The following MAK16 variants were observed in gnomAD, a reference collection of about 807,000 sequenced individuals.
The protein encoded by MAK16 is MAK16 homolog, also known as protein MAK16 homolog.
A neutral mutation model predicts 49.9 loss-of-function variants in MAK16; 12 were observed. That is an observed-to-expected ratio of 0.24 (90% CI 0.15 to 0.39). The LOEUF (loss-of-function observed/expected upper bound fraction) is 0.39, where lower values mean the gene tolerates loss of function less well. Ranked by LOEUF, MAK16 falls within the 10% of genes least tolerant of loss-of-function variation. The pLI, the probability that MAK16 is intolerant of heterozygous loss-of-function variation, is 1.00. For synonymous variants in MAK16, 115 were observed against 126.4 expected (o/e 0.91, Z 0.60); for missense variants, 292 against 363.7 (o/e 0.80, Z 1.60).
Position 33,496,616 on chromosome 8 carries a change from G to A in MAK16, c.523-9G>A, listed in dbSNP as rs748218238. The A allele has an allele frequency of 1.8e-4, 282 of 1,604,018 alleles. No individual in the cohort carries two copies. Among genetic ancestry groups the A allele is most frequent in the Non-Finnish European group, 2.2e-4 (262 of 1,172,416 alleles). On this transcript the variant is annotated splice_polypyrimidine_tract_variant and intron_variant, in intron 7 of 9. Transcript: ENST00000360128. ...GTAGTTAAAGCCAATCTGTGTTTAT[G>A]TTCTTCAGTATGGCGACATCTACAA... is the stretch of plus-strand genomic sequence containing the variant.
At position 33,488,358 on chromosome 8, in the gene MAK16, G is replaced by C; in HGVS notation, c.16-20G>C. 2 of 1,613,722 alleles carry C rather than the reference G, an allele frequency of 1.2e-6. No homozygotes were observed. Among genetic ancestry groups the C allele is most frequent in the Non-Finnish European group, 8.5e-7 (1 of 1,179,714 alleles). ...TCTTGGGGCAGAGGATTTGAAATGGGCTTTTACTTTGTCTTGCAGGTTATC... is the reference window on the plus strand; with the variant it reads ...TCTTGGGGCAGAGGATTTGAAATGGCCTTTTACTTTGTCTTGCAGGTTATC... On this transcript the variant is annotated intron_variant, in intron 1 of 9. Transcript: ENST00000360128.
intron 1 of MAK16, among the ~76,000 whole-genome samples, chr8:33,487,921 T>TTTTTGTTTTG (rs551989222): frequency 2.9e-4 from 44 of 152,086 alleles, no homozygotes; most frequent in African/African-American, 1.0e-3. Flanking sequence ...CTGCTGGGCT[T>TTTTTGTTTTG]TTTTGTTTTG....
chr8:33,500,170 C>A lies in MAK16; in HGVS notation c.*1541C>A. The A allele has an allele frequency of 1.4e-6, 1 of 736,704 alleles. No homozygotes were observed. The highest frequency in any genetic ancestry group is 1.8e-5 in the South Asian group (1 of 54,396). The allele number at this position is 736,704 out of a possible 1,614,324, so 45.6% of individuals were successfully genotyped here. ...TTAAAAGATGAATAAGAAAAAAGAT[C>A]AAGCTCTTTTGAGGCTAGAGGGCTC... is the stretch of plus-strand genomic sequence containing the variant. On this transcript the variant is annotated 3_prime_UTR_variant, in exon 10 of 10. Coordinates refer to ENST00000360128, the MANE Select transcript of MAK16 (RefSeq NM_032509.4).
At position 33,494,888 on chromosome 8, in the gene MAK16, C is replaced by T. The variant is rs186523755; in HGVS notation, c.448-654C>T. Among the ~76,000 whole-genome samples the T allele has an allele frequency of 2.0e-5, 3 of 152,186 alleles. No individual in the cohort carries two copies. In the East Asian group the frequency reaches 5.8e-4, roughly 29 times the overall value. ...CCGCCTCCTGGGTTCACACCATTCT[C>T]CTGCCTCAGCCTCCCGAGTAGCTGG... is the stretch of plus-strand genomic sequence containing the variant. On this transcript the variant is annotated intron_variant, in intron 6 of 9. Transcript: ENST00000360128.
intron 9 of MAK16, 37 bp downstream of exon 9, chr8:33,497,334 GCAGC>G: frequency 8.8e-7 from 1 of 1,141,820 alleles, no homozygotes; most frequent in Non-Finnish European, 1.2e-6. Context: ...CCTTTGGCCT[GCAGC>G]AAAAAAAAAA....
At chr8:33,496,819 C>T in intron 8 of MAK16, 78 bp downstream of exon 8, 5 of 1,074,122 alleles carry the variant, frequency 4.7e-6, no homozygotes, top group Non-Finnish European at 6.6e-6. Context: ...CATCTTCAGT[C>T]CGCTAACCAA....
intron 5 of MAK16, 100 bp from the exon 6 acceptor site, chr8:33,490,185 T>G: frequency 1.1e-6 from 1 of 945,964 alleles, no homozygotes; most frequent in South Asian, 1.5e-5. Flanking sequence ...ATGAGTAGAC[T>G]TCCATTTTAG....
Position 33,500,360 on chromosome 8 carries a change from G to C in MAK16, c.*1731G>C, listed in dbSNP as rs778344343. 23 of 1,614,162 alleles carry C rather than the reference G, an allele frequency of 1.4e-5. No homozygotes were observed. In the South Asian group the frequency reaches 2.2e-4, roughly 15 times the overall value. On this transcript the variant is annotated 3_prime_UTR_variant, in exon 10 of 10. Transcript: ENST00000360128. ...CGTCCTTGAGAACAGCGGTCCAGGA[G>C]AATCAGGCAGTCTGTGGCCTCCTGT...
Position 33,500,920 on chromosome 8 carries a change from G to A in MAK16, c.*2291G>A, listed in dbSNP as rs115480059. Reference sequence around the variant, plus strand: ...CTGGAAGTTAGAGTGAGGGAAATGAGCTTGGCTTCTGGGACTGTGTCAAGT... The same window carrying A: ...CTGGAAGTTAGAGTGAGGGAAATGAACTTGGCTTCTGGGACTGTGTCAAGT... On this transcript the variant is annotated 3_prime_UTR_variant, in exon 10 of 10. Coordinates refer to ENST00000360128, the MANE Select transcript of MAK16 (RefSeq NM_032509.4). 0.015 allele frequency: 2,325 copies of A among 158,042 alleles called. 73 individuals carry two copies. The highest frequency in any genetic ancestry group is 0.053 in the African/African-American group (2,187 of 41,584). 9.8% of individuals were successfully genotyped at this position (158,042 alleles called of 1,614,324 possible). A position where few individuals can be genotyped will look rare whatever the true frequency, so the allele number is the denominator to read the frequency against.
chr8:33,492,007 ATTTTG>A (rs1353337553), intron 6 of MAK16, among the ~76,000 whole-genome samples: 1 of 148,162 alleles, frequency 6.7e-6, no homozygotes. Flanking sequence ...TATAGTCTGG[ATTTTG>A]TTTTGTTTTG....
In MAK16 at chr8:33,498,654, G is replaced by C. The variant is rs372973429; in HGVS notation, c.*25G>C. The C allele has an allele frequency of 3.6e-4, 567 of 1,572,880 alleles. 6 individuals are homozygous for C. The South Asian group carries it at 4.8e-3, about 13-fold the overall frequency. On this transcript the variant is annotated 3_prime_UTR_variant, in exon 10 of 10. Coordinates refer to ENST00000360128, the MANE Select transcript of MAK16 (RefSeq NM_032509.4). ...ATTTCCCTTTCAGCATTTATACCCA[G>C]GACTGAACATGCAGAACTGTTTTTT...
intron 9 of MAK16, 49 bp downstream of exon 9, chr8:33,497,346 A>AG: frequency 7.6e-7 from 1 of 1,311,322 alleles, no homozygotes; most frequent in East Asian, 2.3e-5. Flanking sequence ...AGCAAAAAAA[A>AG]AAAAAAAACA....
chr8:33,486,863 CAT>C, intron 1 of MAK16, among the ~76,000 whole-genome samples: 1 of 152,224 alleles, frequency 6.6e-6, no homozygotes, highest in East Asian at 1.9e-4. Flanking sequence ...GAAGAGATGT[CAT>C]ATAAAAATCT....
intron 6 of MAK16, among the ~76,000 whole-genome samples, chr8:33,491,627 C>CTTTTTTTTT (rs554026888): frequency 3.3e-5 from 3 of 89,890 alleles, no homozygotes; most frequent in African/African-American, 4.9e-5. Flanking sequence ...CTGCCCCCTG[C>CTTTTTTTTT]TTTTTTTTTT....
intron 1 of MAK16, among the ~76,000 whole-genome samples, chr8:33,485,885 G>A (rs576808545): frequency 2.0e-5 from 3 of 152,300 alleles, no homozygotes; most frequent in African/African-American, 7.2e-5. Flanking sequence ...ATGAAAGAAA[G>A]ACCAGAGATG....
Position 33,497,308 on chromosome 8 carries a change from TG to T in MAK16, c.705+14del. 1 of 1,569,754 alleles carries T rather than the reference TG, an allele frequency of 6.4e-7. No individual in the cohort carries two copies. The highest frequency in any genetic ancestry group is 8.7e-7 in the Non-Finnish European group (1 of 1,149,350). ...ATAAGTGATTTTGAGGTGAGCTTTATGGGTAAAAAGATTGTCCTTTGGCCTG... is the reference window on the plus strand; with the variant it reads ...ATAAGTGATTTTGAGGTGAGCTTTATGGTAAAAAGATTGTCCTTTGGCCTG... On this transcript the variant is annotated intron_variant, in intron 9 of 9. Transcript: ENST00000360128.
chr8:33,500,019 G>C lies in MAK16; in HGVS notation c.*1390G>C. 4.7e-6 allele frequency: 1 copy of C among 213,666 alleles called. No individual in the cohort carries two copies. Among genetic ancestry groups the C allele is most frequent in the Non-Finnish European group, 9.4e-6 (1 of 106,836 alleles). 13.2% of individuals were successfully genotyped at this position (213,666 alleles called of 1,614,324 possible). On this transcript the variant is annotated 3_prime_UTR_variant, in exon 10 of 10. Transcript: ENST00000360128. The stretch of plus-strand genomic sequence containing the variant: ...TTTACTTTTTTTTTTTAATTCAGAA[G>C]ACTAGAACAGAACTTAAATTTTACA...
rs779031205 is a variant in MAK16 at position 33,491,993 on chromosome 8, C to G, written c.447+1654C>G. On this transcript the variant is annotated intron_variant, in intron 6 of 9. Transcript: ENST00000360128. ...TTTTCCTATAGAGTTGTTTGAGCTC[C>G]TTATATAGTCTGGATTTTGTTTTGT... Among the ~76,000 whole-genome samples, 19 of 151,246 alleles carry G rather than the reference C, an allele frequency of 1.3e-4. No homozygotes were observed. The Admixed American group carries it at 1.3e-3, about 10-fold the overall frequency.
At chr8:33,491,572 C>T (rs1019658698) in intron 6 of MAK16, among the ~76,000 whole-genome samples, 1 of 149,170 alleles carries the variant, frequency 6.7e-6, no homozygotes, top group African/African-American at 2.5e-5. Flanking sequence ...ATTTGTATGT[C>T]TTCTTTTGAA....
Sources: gnomAD v4.1 joint callset for allele counts (sites outside exome capture counted in the v4.1 genomes callset) on GRCh38, gnomAD v4.1.1 for gene constraint, MANE v1.5 for transcripts, NCBI Gene and HGNC (gene_info 2026-07-23, HGNC 2026-07-21) for gene names.